Variants in DIP2C observed in about 807,000 individuals in gnomAD.
The protein encoded by DIP2C is DIP2 acetate--CoA ligase C (putative), also known as disco-interacting protein 2 homolog C.
A neutral mutation model predicts 192.4 loss-of-function variants in DIP2C; 33 were observed. The observed-to-expected ratio is 0.17, with a 90% CI of 0.13 to 0.23. The LOEUF is 0.23. Ranked by LOEUF, DIP2C falls within the 10% of genes least tolerant of loss-of-function variation. The pLI is 1.00. For synonymous variants in DIP2C, 979 were observed against 864.1 expected (o/e 1.13, Z -2.33); for missense variants, 1,537 against 2,110.1 (o/e 0.73, Z 5.32).
At chr10:349,194 G>C in intron 25 of DIP2C, 137 bp downstream of exon 25, 1 of 1,252,508 alleles carries the variant, frequency 8.0e-7, no homozygotes, top group South Asian at 1.6e-5. Flanking sequence ...GGGCTGGTTA[G>C]CATCCAGCTG....
chr10:369,382 C>T, intron 18 of DIP2C, 112 bp downstream of exon 18: 1 of 1,347,854 alleles, frequency 7.4e-7, no homozygotes, highest in Non-Finnish European at 9.9e-7. Flanking sequence ...AGGCTCTCAG[C>T]CTGAGGGCAC....
chr10:656,076 T>C (rs1856289527), intron 1 of DIP2C, among the ~76,000 whole-genome samples: 1 of 150,024 alleles, frequency 6.7e-6, no homozygotes, highest in South Asian at 2.1e-4. Flanking sequence ...TATATAATGT[T>C]ACACTGTTTC....
At chr10:349,988 C>G (rs1204420326) in intron 24 of DIP2C, among the ~76,000 whole-genome samples, 1 of 152,182 alleles carries the variant, frequency 6.6e-6, no homozygotes, top group Non-Finnish European at 1.5e-5. Context: ...CTTTAATGTA[C>G]AAACAAATAG....
intron 32 of DIP2C, among the ~76,000 whole-genome samples, chr10:307,938 G>A (rs1255940756): frequency 6.6e-6 from 1 of 150,998 alleles, no homozygotes; most frequent in Non-Finnish European, 1.5e-5. Flanking sequence ...GGGGGTGCCT[G>A]GGCGGGGCCC....
intron 1 of DIP2C, among the ~76,000 whole-genome samples, chr10:558,625 G>A (rs1047394232): frequency 2.6e-5 from 4 of 152,142 alleles, no homozygotes; most frequent in Non-Finnish European, 5.9e-5. Flanking sequence ...AGCTTCTCCT[G>A]CACAGGAATC....
At chr10:357,563 T>G (rs1458244267) in intron 23 of DIP2C, among the ~76,000 whole-genome samples, 1 of 152,224 alleles carries the variant, frequency 6.6e-6, no homozygotes, top group Non-Finnish European at 1.5e-5. Flanking sequence ...AAACACATTT[T>G]TCTTATGAAA....
At chr10:588,716 G>A (rs955645011) in intron 1 of DIP2C, among the ~76,000 whole-genome samples, 3 of 152,196 alleles carry the variant, frequency 2.0e-5, no homozygotes, top group Non-Finnish European at 2.9e-5. Flanking sequence ...CTGCCGTCCC[G>A]CAGGCGGGGA....
intron 1 of DIP2C, among the ~76,000 whole-genome samples, chr10:612,228 G>A (rs763303614): frequency 3.3e-5 from 5 of 151,814 alleles, no homozygotes; most frequent in African/African-American, 9.7e-5. Flanking sequence ...AGGAGGCGAG[G>A]TTGCAGTGAG....
intron 1 of DIP2C, among the ~76,000 whole-genome samples, chr10:560,961 C>G (rs1043950249): frequency 6.6e-6 from 1 of 152,094 alleles, no homozygotes; most frequent in Admixed American, 6.5e-5. Flanking sequence ...CCACACAACC[C>G]CTTAATCGTA....
At chr10:480,471 T>TAA (rs1843523907) in intron 2 of DIP2C, among the ~76,000 whole-genome samples, 1 of 152,224 alleles carries the variant, frequency 6.6e-6, no homozygotes. Context: ...GCTCACTGGA[T>TAA]GACGGTCTCA....
intron 1 of DIP2C, among the ~76,000 whole-genome samples, chr10:656,983 T>C (rs1856377996): frequency 2.0e-5 from 3 of 152,226 alleles, no homozygotes; most frequent in Admixed American, 2.0e-4. Flanking sequence ...AACTACTGCT[T>C]TAAAAAATGC....
rs966741588 is a variant in DIP2C, at chr10:477,092, C to G, written c.158-4543G>C. ...ACCACAAATAAAACTTGAGCACAGA[C>G]AGCAGGAGATACAAGGTACACAGAA... On this transcript the variant is annotated intron_variant, in intron 2 of 36. Coordinates refer to ENST00000280886, the MANE Select transcript of DIP2C (RefSeq NM_014974.3). Among the ~76,000 whole-genome samples the G allele has an allele frequency of 8.8e-5, 13 of 148,448 alleles. 1 individual carries two copies. Among genetic ancestry groups the G allele is most frequent in the African/African-American group, 3.2e-4 (13 of 40,002 alleles).
chr10:662,101 C>T (rs1305171634), intron 1 of DIP2C: 3 of 717,346 alleles, frequency 4.2e-6, no homozygotes, highest in Admixed American at 2.0e-5. Context: ...CCCTCAGTGG[C>T]TTCCTAGTAT....
In DIP2C at chr10:566,413, G is replaced by A. The variant is rs1163810313; in HGVS notation, c.86-79883C>T. On this transcript the variant is annotated intron_variant, in intron 1 of 36. Transcript: ENST00000280886. The stretch of plus-strand genomic sequence containing the variant: ...CATGAGCCGCTGACCCACCAGAGGC[G>A]CCACCAAACCCTGGAGTGTTACAGT... Among the ~76,000 whole-genome samples the A allele has an allele frequency of 6.6e-5, 10 of 152,190 alleles. No individual in the cohort carries two copies. The East Asian group carries it at 1.3e-3, about 21-fold the overall frequency.
chr10:357,676 A>T (rs1959149439), intron 23 of DIP2C, 152 bp downstream of exon 23: 1 of 538,210 alleles, frequency 1.9e-6, no homozygotes, highest in Admixed American at 3.3e-5. Context: ...AAAGTCGGGG[A>T]CTGTCGGGGA....
At position 422,748 on chromosome 10, in the gene DIP2C, C is replaced by T. The variant is rs560005219; in HGVS notation, c.604+76G>A. On this transcript the variant is annotated intron_variant, in intron 5 of 36. Coordinates refer to ENST00000280886, the MANE Select transcript of DIP2C (RefSeq NM_014974.3). ...TTTCCACCGAGGGATTCCGCTGCAA[C>T]GATGCAAACAGAGAATGTGCACACA... The T allele has an allele frequency of 1.1e-5, 17 of 1,501,512 alleles. No homozygotes were observed. The African/African-American group carries it at 1.2e-4, about 11-fold the overall frequency. 93.0% of individuals were successfully genotyped at this position (1,501,512 alleles called of 1,614,324 possible).
chr10:332,846 G>A (rs773834579), intron 29 of DIP2C, among the ~76,000 whole-genome samples: 5 of 152,050 alleles, frequency 3.3e-5, no homozygotes, highest in Non-Finnish European at 5.9e-5. Context: ...TCTGCCAGCA[G>A]GCATGCCATC....
intron 1 of DIP2C, among the ~76,000 whole-genome samples, chr10:495,931 A>G (rs1256603465): frequency 6.6e-6 from 1 of 151,028 alleles, no homozygotes; most frequent in Non-Finnish European, 1.5e-5. Flanking sequence ...CTGAGTACAC[A>G]GAACCCACGG....
chr10:364,991 T>C (rs924058305), intron 19 of DIP2C: 10 of 534,556 alleles, frequency 1.9e-5, no homozygotes, highest in African/African-American at 1.5e-4. Flanking sequence ...TCTTCATTCA[T>C]AAAATGTTAT....
Sources: allele counts gnomAD v4.1 joint callset (sites outside exome capture counted in the v4.1 genomes callset), GRCh38; gene constraint gnomAD v4.1.1; transcripts MANE v1.5; gene names NCBI Gene and HGNC (gene_info 2026-07-23, HGNC 2026-07-21).